Variants in LRRC4C observed in about 807,000 individuals in gnomAD.
LRRC4C encodes leucine rich repeat containing 4C, also known as leucine-rich repeat-containing protein 4C.
A neutral mutation model predicts 33.6 loss-of-function variants in LRRC4C; 5 were observed. The ratio of observed to expected loss-of-function variants is 0.15; its 90% CI spans 0.08 to 0.31. The LOEUF (loss-of-function observed/expected upper bound fraction) is 0.31. Ranked by LOEUF, LRRC4C falls within the 10% of genes least tolerant of loss-of-function variation. The pLI is 1.00. For synonymous variants in LRRC4C, 329 were observed against 302.0 expected (o/e 1.09, Z -0.93); for missense variants, 560 against 796.7 (o/e 0.70, Z 3.58).
chr11:40,370,993 A>G (rs1041496091), intron 3 of LRRC4C, among the ~76,000 whole-genome samples: 2 of 152,178 alleles, frequency 1.3e-5, no homozygotes, highest in Non-Finnish European at 2.9e-5. Flanking sequence ...TTGCCACTGT[A>G]CATTGATTTT....
chr11:40,840,380 T>G (rs1386538079), intron 2 of LRRC4C, among the ~76,000 whole-genome samples: 1 of 152,222 alleles, frequency 6.6e-6, no homozygotes, highest in African/African-American at 2.4e-5. Context: ...GTATGATCTA[T>G]TTCAACATCC....
chr11:40,770,986 C>G (rs1008725045), intron 2 of LRRC4C, among the ~76,000 whole-genome samples: 1 of 152,118 alleles, frequency 6.6e-6, no homozygotes, highest in Non-Finnish European at 1.5e-5. Context: ...GTGGATCTAC[C>G]GTTCTAGGAT....
intron 3 of LRRC4C, among the ~76,000 whole-genome samples, chr11:40,592,991 A>C (rs1457723669): frequency 6.6e-6 from 1 of 152,104 alleles, no homozygotes; most frequent in African/African-American, 2.4e-5. Flanking sequence ...CTCTGACTCC[A>C]GTGGGGCTTT....
chr11:40,115,858 T>C lies in LRRC4C; in HGVS notation c.435A>G (p.Val145=), dbSNP rs1855390518. The change falls in exon 7 of 7, where the codon GTA becomes GTG. Residue 145 remains valine (V), a synonymous_variant. Transcript: ENST00000528697. The surrounding 1 kb of genome is among the most constrained non-coding windows in gnomAD (Gnocchi z 6.7). ...AGAGCTCCTTCAGTTTAGACAAGTA[T>C]ACAAAAGCTCCATTCGGGATGGTAG... ...RLTTIPNGAF[V]YLSKLKELWL... The C allele has an allele frequency of 6.2e-7, 1 of 1,614,140 alleles. No individual in the cohort carries two copies.
At chr11:41,387,842 A>T (rs1243629238) in intron 1 of LRRC4C, among the ~76,000 whole-genome samples, 1 of 151,794 alleles carries the variant, frequency 6.6e-6, no homozygotes, top group East Asian at 1.9e-4. Flanking sequence ...TGAAGTTACC[A>T]ACCATTCTCC....
At chr11:41,113,427 A>G (rs535101386) in intron 1 of LRRC4C, among the ~76,000 whole-genome samples, 2 of 152,206 alleles carry the variant, frequency 1.3e-5, no homozygotes, top group East Asian at 3.9e-4. Flanking sequence ...TCATTACCAC[A>G]CAGTTTGGAG....
chr11:40,760,459 T>A (rs1949154228), intron 2 of LRRC4C, among the ~76,000 whole-genome samples: 2 of 151,472 alleles, frequency 1.3e-5, no homozygotes, highest in South Asian at 4.2e-4. Context: ...CCTAAACTAC[T>A]CATTTATTCC....
chr11:40,307,593 A>G (rs1283545579), intron 4 of LRRC4C, among the ~76,000 whole-genome samples: 1 of 152,158 alleles, frequency 6.6e-6, no homozygotes, highest in Non-Finnish European at 1.5e-5. Context: ...GCCATGTTGT[A>G]TAGTTATGTA....
intron 3 of LRRC4C, among the ~76,000 whole-genome samples, chr11:40,427,502 T>TC (rs1950760291): frequency 6.6e-6 from 1 of 151,508 alleles, no homozygotes; most frequent in Non-Finnish European, 1.5e-5. Flanking sequence ...AGTGAAACTC[T>TC]GTCTCAAAAA....
intron 5 of LRRC4C, among the ~76,000 whole-genome samples, chr11:40,229,225 C>A (rs1410635652): frequency 6.6e-6 from 1 of 151,956 alleles, no homozygotes; most frequent in Non-Finnish European, 1.5e-5. Context: ...TATTTAAAAC[C>A]CCACATTTTA....
At chr11:40,916,470 T>G (rs934216319) in intron 2 of LRRC4C, among the ~76,000 whole-genome samples, 15 of 152,018 alleles carry the variant, frequency 9.9e-5, no homozygotes, top group Admixed American at 4.6e-4. Context: ...CACCACATGT[T>G]CTCACTCGTA....
In LRRC4C at chr11:41,122,277, G is replaced by A. The variant is rs114334984; in HGVS notation, c.-495-188554C>T. Among the ~76,000 whole-genome samples the A allele has an allele frequency of 2.4e-3, 372 of 152,084 alleles. 1 individual carries two copies. Among genetic ancestry groups the A allele is most frequent in the African/African-American group, 8.2e-3 (342 of 41,502 alleles). Reference sequence around the variant, plus strand: ...AGGGTAAAACATACTTATTGAACCCGCCAGATTCAGATAGTTCTGTCGGGA... The same window carrying A: ...AGGGTAAAACATACTTATTGAACCCACCAGATTCAGATAGTTCTGTCGGGA... On this transcript the variant is annotated intron_variant, in intron 1 of 6. Transcript: ENST00000528697.
At chr11:40,382,554 T>C (rs1353820031) in intron 3 of LRRC4C, among the ~76,000 whole-genome samples, 4 of 151,974 alleles carry the variant, frequency 2.6e-5, no homozygotes, top group Non-Finnish European at 5.9e-5. Flanking sequence ...ATAAGAACAC[T>C]TAACCTAAGA....
chr11:40,168,486 T>C (rs1859782165), intron 5 of LRRC4C, among the ~76,000 whole-genome samples: 1 of 152,188 alleles, frequency 6.6e-6, no homozygotes, highest in Non-Finnish European at 1.5e-5. Context: ...ATTGGTCACA[T>C]TAAATAGAAG....
chr11:40,262,747 T>C (rs1261107511), intron 4 of LRRC4C, among the ~76,000 whole-genome samples: 1 of 151,928 alleles, frequency 6.6e-6, no homozygotes, highest in Non-Finnish European at 1.5e-5. Flanking sequence ...AACCAAACAC[T>C]GCATGTTCTC....
At chr11:41,023,843 A>C (rs1856151973) in intron 1 of LRRC4C, among the ~76,000 whole-genome samples, 1 of 151,790 alleles carries the variant, frequency 6.6e-6, no homozygotes, top group Admixed American at 6.6e-5. Context: ...GCAGCAGAAA[A>C]AAACAAAAGT....
chr11:40,939,626 C>A (rs1958057162), intron 1 of LRRC4C, among the ~76,000 whole-genome samples: 1 of 152,024 alleles, frequency 6.6e-6, no homozygotes, highest in East Asian at 1.9e-4. Flanking sequence ...TATAACAGTC[C>A]AGAGATTAAA....
intron 1 of LRRC4C, among the ~76,000 whole-genome samples, chr11:41,126,770 T>A (rs377234483): frequency 1.6e-4 from 24 of 152,064 alleles, no homozygotes; most frequent in African/African-American, 5.8e-4. Context: ...AAGGAATATG[T>A]GGGGAGACAG....
chr11:41,312,231 A>T (rs1950662982), intron 1 of LRRC4C, among the ~76,000 whole-genome samples: 1 of 152,144 alleles, frequency 6.6e-6, no homozygotes, highest in African/African-American at 2.4e-5. Flanking sequence ...TATATTCTAC[A>T]TTCTCTTAAA....
Sources: gnomAD v4.1 joint callset for allele counts (sites outside exome capture counted in the v4.1 genomes callset) on GRCh38, gnomAD v4.1.1 for gene constraint, Gnocchi (gnomAD v3.1) non-coding constraint, MANE v1.5 for transcripts, NCBI Gene and HGNC (gene_info 2026-07-23, HGNC 2026-07-21) for gene names.